The following MEF2C variants were observed in gnomAD, a reference collection of about 807,000 sequenced individuals.
MEF2C encodes the protein myocyte-specific enhancer factor 2C.
In MEF2C, 6 loss-of-function variants were observed where a neutral mutation model predicts 50.5. The observed-to-expected ratio is 0.12, with a 90% CI of 0.07 to 0.23. The LOEUF (loss-of-function observed/expected upper bound fraction) is 0.23. Among genes scored for constraint, MEF2C ranks in the 10% least tolerant of loss-of-function variants. MEF2C has a pLI of 1.00. For synonymous variants in MEF2C, 183 were observed against 228.0 expected (o/e 0.80, Z 1.78); for missense variants, 276 against 605.0 (o/e 0.46, Z 5.70).
chr5:88,838,756 C>T (rs2153296650), intron 1 of MEF2C: 1 of 979,708 alleles, frequency 1.0e-6, no homozygotes, highest in Non-Finnish European at 1.2e-6. Flanking sequence ...TGCTCTTTCT[C>T]TTTCTTCTCC....
At chr5:88,776,780 A>T (rs1265730427) in intron 3 of MEF2C, among the ~76,000 whole-genome samples, 1 of 152,194 alleles carries the variant, frequency 6.6e-6, no homozygotes, top group Non-Finnish European at 1.5e-5. Context: ...ATCTCTCATC[A>T]TATGGGCTCA....
At chr5:88,859,997 G>T (rs967298291) in intron 1 of MEF2C, among the ~76,000 whole-genome samples, 2 of 152,088 alleles carry the variant, frequency 1.3e-5, no homozygotes, top group Non-Finnish European at 2.9e-5. Flanking sequence ...TTTATTAAAT[G>T]CTTTCTCTAA....
chr5:88,795,019 A>G (rs1322140479), intron 3 of MEF2C, among the ~76,000 whole-genome samples: 1 of 152,198 alleles, frequency 6.6e-6, no homozygotes, highest in African/African-American at 2.4e-5. Context: ...TTTTGGTACC[A>G]GTATTATGCT....
intron 6 of MEF2C, chr5:88,743,384 A>C (rs1335959135): frequency 2.0e-6 from 2 of 985,278 alleles, no homozygotes; most frequent in African/African-American, 1.7e-5. Flanking sequence ...TCAGCCAAGA[A>C]ATTTTTGATA....
At chr5:88,897,802 T>C (rs551268274) in intron 1 of MEF2C, among the ~76,000 whole-genome samples, 2 of 152,288 alleles carry the variant, frequency 1.3e-5, no homozygotes, top group South Asian at 4.1e-4. Flanking sequence ...TAAATGTTAG[T>C]TTTCCTGTTA....
intron 3 of MEF2C, among the ~76,000 whole-genome samples, chr5:88,796,739 C>T (rs1481688243): frequency 2.0e-5 from 3 of 152,156 alleles, no homozygotes; most frequent in Non-Finnish European, 2.9e-5. Context: ...ATCTTTCTCA[C>T]TTTGTCCTGT....
chr5:88,851,249 A>AG (rs1236354650), intron 1 of MEF2C, among the ~76,000 whole-genome samples: 1 of 151,702 alleles, frequency 6.6e-6, no homozygotes, highest in Non-Finnish European at 1.5e-5. Flanking sequence ...AAAAAAAAAA[A>AG]AAAGAATGCA....
intron 2 of MEF2C, among the ~76,000 whole-genome samples, chr5:88,805,508 A>G (rs1268202297): frequency 6.6e-6 from 1 of 152,134 alleles, no homozygotes; most frequent in East Asian, 1.9e-4. Context: ...GGTTCACACT[A>G]TTTCCCAGGC....
chr5:88,803,921 G>T (rs981441785), intron 3 of MEF2C, among the ~76,000 whole-genome samples: 27 of 151,874 alleles, frequency 1.8e-4, no homozygotes, highest in African/African-American at 6.5e-4. Context: ...ATTTATTTTG[G>T]GCACAATAAA....
intron 4 of MEF2C, among the ~76,000 whole-genome samples, chr5:88,757,304 C>G (rs1222695539): frequency 2.0e-5 from 3 of 152,074 alleles, no homozygotes; most frequent in Non-Finnish European, 4.4e-5. Context: ...TTAATGGGCC[C>G]TCTTTTATTT....
chr5:88,730,204 C>A lies in MEF2C; in HGVS notation c.834+7G>T. Reference sequence around the variant, plus strand: ...TGCCATTTGAGGGAAGCGCTCTCACCACTTACCAAAAGCAGGTCGACATCC... The same window carrying A: ...TGCCATTTGAGGGAAGCGCTCTCACAACTTACCAAAAGCAGGTCGACATCC... On this transcript the variant is annotated splice_region_variant and intron_variant, in intron 8 of 10. Coordinates refer to ENST00000504921, the MANE Select transcript of MEF2C (RefSeq NM_002397.5). The A allele has an allele frequency of 6.3e-7, 1 of 1,583,056 alleles. No homozygotes were observed. The highest frequency in any genetic ancestry group is 8.6e-7 in the Non-Finnish European group (1 of 1,163,360).
intron 1 of MEF2C, chr5:88,888,744 A>T (rs1834236157): frequency 6.6e-6 from 1 of 150,758 alleles, no homozygotes; most frequent in Admixed American, 6.6e-5. Context: ...TTTAAACGAC[A>T]CTACAAATTA....
intron 4 of MEF2C, among the ~76,000 whole-genome samples, chr5:88,760,414 G>A (rs1174695479): frequency 1.3e-5 from 2 of 152,210 alleles, no homozygotes; most frequent in Non-Finnish European, 2.9e-5. Flanking sequence ...ACACAAACAT[G>A]TTGAAATCTT....
intron 10 of MEF2C, among the ~76,000 whole-genome samples, chr5:88,727,995 T>C (rs551714919): frequency 4.6e-5 from 7 of 152,088 alleles, no homozygotes; most frequent in African/African-American, 1.7e-4. Context: ...CTAGTTAGTA[T>C]TATATACATA....
chr5:88,812,610 T>C (rs1803356029), intron 2 of MEF2C, among the ~76,000 whole-genome samples: 1 of 151,964 alleles, frequency 6.6e-6, no homozygotes, highest in Admixed American at 6.6e-5. Context: ...GATAATTTTT[T>C]CTAAGAAGTT....
chr5:88,749,160 C>T (rs1223143070), intron 5 of MEF2C, 43 bp from the exon 6 acceptor site: 6 of 1,525,240 alleles, frequency 3.9e-6, no homozygotes, highest in Non-Finnish European at 5.3e-6. Flanking sequence ...AGGCTAAAGG[C>T]CCACAGAACA....
intron 6 of MEF2C, chr5:88,740,418 T>G (rs924206328): frequency 2.0e-6 from 2 of 985,218 alleles, no homozygotes; most frequent in Admixed American, 1.2e-4. Flanking sequence ...AGGTTTGTGT[T>G]GGCGAACATT....
chr5:88,819,678 A>G (rs1453606840), intron 2 of MEF2C, among the ~76,000 whole-genome samples: 2 of 151,938 alleles, frequency 1.3e-5, no homozygotes, highest in African/African-American at 4.8e-5. Flanking sequence ...TTTTTGTTAT[A>G]TATTTTTATA....
At chr5:88,789,082 AAAAT>A (rs1307948879) in intron 3 of MEF2C, among the ~76,000 whole-genome samples, 12 of 152,290 alleles carry the variant, frequency 7.9e-5, no homozygotes, top group Admixed American at 4.6e-4. Context: ...TTATTTTTGA[AAAAT>A]AAAGTAATTC....
Sources: allele counts gnomAD v4.1 joint callset (sites outside exome capture counted in the v4.1 genomes callset), GRCh38; gene constraint gnomAD v4.1.1; transcripts MANE v1.5; gene names NCBI Gene and HGNC (gene_info 2026-07-23, HGNC 2026-07-21).